The following KDM4C variants were observed in gnomAD, a reference collection of about 807,000 sequenced individuals.
The protein encoded by KDM4C is lysine-specific demethylase 4C.
In KDM4C, 81 loss-of-function variants were observed where a neutral mutation model predicts 129.3. The ratio of observed to expected loss-of-function variants is 0.63; its 90% CI spans 0.52 to 0.75. The LOEUF is 0.75. Ranked by LOEUF, KDM4C falls within the 30% of genes least tolerant of loss-of-function variation. The pLI, the probability that KDM4C is intolerant of heterozygous loss-of-function variation, is 0.00. For missense variants in KDM4C, 1,457 were observed against 1,304.0 expected, an observed-to-expected ratio of 1.12 and a Z score of -1.81; for synonymous variants, 573 against 456.1, an observed-to-expected ratio of 1.26 and a Z score of -3.26.
At chr9:6,928,999 C>A (rs1379965188) in intron 8 of KDM4C, among the ~76,000 whole-genome samples, 6 of 152,188 alleles carry the variant, frequency 3.9e-5, no homozygotes. Flanking sequence ...GCACCTCGTA[C>A]CTGTGCTGCT....
chr9:6,793,969 A>G (rs941115821), intron 2 of KDM4C, among the ~76,000 whole-genome samples: 23 of 152,196 alleles, frequency 1.5e-4, no homozygotes, highest in Non-Finnish European at 3.1e-4. Context: ...CATTACCGCT[A>G]TAGAATTCTG....
intron 1 of KDM4C, among the ~76,000 whole-genome samples, chr9:6,732,488 G>A (rs1817384646): frequency 6.6e-6 from 1 of 151,220 alleles, no homozygotes; most frequent in South Asian, 2.1e-4. Flanking sequence ...CTGAGGTCAG[G>A]AGTTGGAAAC....
At chr9:6,903,523 G>A (rs754014485) in intron 8 of KDM4C, among the ~76,000 whole-genome samples, 6 of 152,122 alleles carry the variant, frequency 3.9e-5, no homozygotes, top group African/African-American at 1.4e-4. Flanking sequence ...ATCTTCTTGC[G>A]CTTTTACCAT....
chr9:7,020,592 A>G (rs189955015), intron 15 of KDM4C, among the ~76,000 whole-genome samples: 4 of 152,350 alleles, frequency 2.6e-5, no homozygotes, highest in African/African-American at 7.2e-5. Context: ...TCAAAAGTCA[A>G]TACTCTTGAT....
chr9:6,824,223 A>G (rs188544372), intron 4 of KDM4C, among the ~76,000 whole-genome samples: 2 of 152,268 alleles, frequency 1.3e-5, no homozygotes, highest in East Asian at 1.9e-4. Flanking sequence ...TTTCGTGGCT[A>G]TTTCTTCTGC....
chr9:6,741,888 TGTTAC>T (rs1242414758), intron 1 of KDM4C, among the ~76,000 whole-genome samples: 2 of 101,010 alleles, frequency 2.0e-5, no homozygotes, highest in East Asian at 6.8e-4. Flanking sequence ...TTTAAAATGT[TGTTAC>T]ACACACACAC....
rs138084689 is a variant in KDM4C, at chr9:6,858,422, C to T, written c.629+8722C>T. Among the ~76,000 whole-genome samples the T allele has an allele frequency of 9.2e-5, 14 of 152,182 alleles. No homozygotes were observed. In the East Asian group the frequency reaches 2.7e-3, roughly 29 times the overall value. ...AAAAGAAATTGTTAAATCCATAACT[C>T]TAGGGAAAAACCAGAATGTTTACCC... On this transcript the variant is annotated intron_variant, in intron 5 of 21. Transcript: ENST00000381309.
At chr9:6,854,674 A>G (rs1404725517) in intron 5 of KDM4C, among the ~76,000 whole-genome samples, 1 of 152,230 alleles carries the variant, frequency 6.6e-6, no homozygotes, top group Non-Finnish European at 1.5e-5. Flanking sequence ...TAGAAAATTA[A>G]GAATGGGTTG....
chr9:6,766,056 TG>T (rs558984811), intron 1 of KDM4C, among the ~76,000 whole-genome samples: 2 of 152,302 alleles, frequency 1.3e-5, no homozygotes, highest in South Asian at 4.1e-4. Context: ...CCCAAAGTGC[TG>T]GGATTACAGG....
At chr9:6,796,446 C>T (rs1460147997) in intron 2 of KDM4C, among the ~76,000 whole-genome samples, 2 of 152,140 alleles carry the variant, frequency 1.3e-5, no homozygotes, top group Non-Finnish European at 2.9e-5. Flanking sequence ...TTGTCCTGTT[C>T]TCTCCCACTT....
At chr9:7,098,068 T>A (rs992902868) in intron 17 of KDM4C, among the ~76,000 whole-genome samples, 1 of 152,272 alleles carries the variant, frequency 6.6e-6, no homozygotes, top group Non-Finnish European at 1.5e-5. Context: ...GCTGTTGGTG[T>A]AGTACTTTTC....
chr9:7,124,145 A>G (rs1839790959), intron 18 of KDM4C, among the ~76,000 whole-genome samples: 1 of 152,220 alleles, frequency 6.6e-6, no homozygotes, highest in African/African-American at 2.4e-5. Flanking sequence ...AGGGTTATGT[A>G]ACACCCCCAA....
intron 8 of KDM4C, among the ~76,000 whole-genome samples, chr9:6,962,538 A>T (rs1394867685): frequency 6.6e-6 from 1 of 152,208 alleles, no homozygotes; most frequent in Non-Finnish European, 1.5e-5. Flanking sequence ...TGATTTTATT[A>T]AAGGAACAAG....
At chr9:6,835,893 C>T (rs916966173) in intron 4 of KDM4C, among the ~76,000 whole-genome samples, 6 of 152,052 alleles carry the variant, frequency 3.9e-5, no homozygotes, top group African/African-American at 1.2e-4. Context: ...AAAAGCCACC[C>T]GACTTGTGTC....
At chr9:7,154,406 A>G (rs1842971700) in intron 19 of KDM4C, among the ~76,000 whole-genome samples, 1 of 152,084 alleles carries the variant, frequency 6.6e-6, no homozygotes, top group Non-Finnish European at 1.5e-5. Flanking sequence ...ATCTGGTGCA[A>G]CTCTGCTCAC....
intron 1 of KDM4C, among the ~76,000 whole-genome samples, chr9:6,737,948 C>T (rs780853689): frequency 2.0e-5 from 3 of 150,644 alleles, no homozygotes; most frequent in South Asian, 2.1e-4. Context: ...GCCTGGCTAA[C>T]GTGGCAAAAC....
chr9:6,991,224 A>G (rs1179222033), intron 12 of KDM4C, among the ~76,000 whole-genome samples: 1 of 152,036 alleles, frequency 6.6e-6, no homozygotes, highest in Admixed American at 6.6e-5. Context: ...GACCACAAGC[A>G]TGCACCATCA....
At chr9:7,007,378 T>G (rs1821870261) in intron 12 of KDM4C, among the ~76,000 whole-genome samples, 1 of 152,164 alleles carries the variant, frequency 6.6e-6, no homozygotes, top group South Asian at 2.1e-4. Context: ...AAGAAAAAAA[T>G]GAAGTGCTCT....
rs184425009 is a variant in KDM4C at position 7,170,102 on chromosome 9, A to C, written c.2994+212A>C. On this transcript the variant is annotated intron_variant, in intron 21 of 21. Coordinates refer to ENST00000381309, the MANE Select transcript of KDM4C (RefSeq NM_015061.6). The stretch of plus-strand genomic sequence containing the variant: ...AATGCATGTGCTTTACTTTTCTTCT[A>C]ATGAAGTCACATGATGCTTCTTTGT... The C allele has an allele frequency of 1.4e-4, 208 of 1,448,868 alleles. No homozygotes were observed. The Admixed American group carries it at 1.9e-3, about 13-fold the overall frequency. 89.8% of individuals were successfully genotyped at this position (1,448,868 alleles called of 1,614,324 possible). A position where few individuals can be genotyped will look rare whatever the true frequency, so the allele number is the denominator to read the frequency against.
Sources: gnomAD v4.1 joint callset for allele counts (sites outside exome capture counted in the v4.1 genomes callset) on GRCh38, gnomAD v4.1.1 for gene constraint, MANE v1.5 for transcripts, NCBI Gene and HGNC (gene_info 2026-07-23, HGNC 2026-07-21) for gene names.